The following NTM variants were observed in gnomAD, a reference collection of about 807,000 sequenced individuals.
NTM encodes IgLON family member 2.
In NTM, 13 loss-of-function variants were observed where a neutral mutation model predicts 42.1. The observed-to-expected ratio is 0.31, with a 90% CI of 0.20 to 0.49. The LOEUF is 0.49. Ranked by LOEUF, NTM falls within the 20% of genes least tolerant of loss-of-function variation. The probability of loss-of-function intolerance (pLI) is 0.99; values close to 1 mark genes in which losing one functional copy is unlikely to be tolerated. For missense variants in NTM, 373 were observed against 452.8 expected (o/e 0.82, Z 1.60); for synonymous variants, 187 against 179.2 (o/e 1.04, Z -0.35).
chr11:131,467,153 G>T (rs1215581008), intron 1 of NTM, among the ~76,000 whole-genome samples: 1 of 152,194 alleles, frequency 6.6e-6, no homozygotes, highest in Non-Finnish European at 1.5e-5. Flanking sequence ...AAGGGAGAGA[G>T]TAGACGAGAA....
At chr11:131,532,218 A>C (rs1451875880) in intron 1 of NTM, among the ~76,000 whole-genome samples, 1 of 152,164 alleles carries the variant, frequency 6.6e-6, no homozygotes, top group Non-Finnish European at 1.5e-5. Flanking sequence ...ATCCCCATTA[A>C]ACAAGAACTC....
chr11:131,508,332 G>A (rs2047765185), intron 1 of NTM, among the ~76,000 whole-genome samples: 1 of 147,754 alleles, frequency 6.8e-6, no homozygotes. Context: ...AAACCACAAT[G>A]AGATACCATC....
At chr11:131,946,697 G>T (rs1371395456) in intron 2 of NTM, among the ~76,000 whole-genome samples, 1 of 152,114 alleles carries the variant, frequency 6.6e-6, no homozygotes, top group Non-Finnish European at 1.5e-5. Flanking sequence ...TCCATATATT[G>T]ATCTGTGATT....
chr11:132,108,040 C>T (rs1302892984), intron 2 of NTM, among the ~76,000 whole-genome samples: 1 of 152,140 alleles, frequency 6.6e-6, no homozygotes, highest in Non-Finnish European at 1.5e-5. Flanking sequence ...GTTAATGATG[C>T]CTACTCCTTC....
At chr11:132,065,400 G>A (rs1419139751) in intron 2 of NTM, among the ~76,000 whole-genome samples, 3 of 152,094 alleles carry the variant, frequency 2.0e-5, no homozygotes, top group African/African-American at 7.2e-5. Flanking sequence ...GCTTCTTATA[G>A]CAGAGTTAAC....
At chr11:132,038,005 G>A (rs1354614512) in intron 2 of NTM, among the ~76,000 whole-genome samples, 1 of 152,214 alleles carries the variant, frequency 6.6e-6, no homozygotes, top group African/African-American at 2.4e-5. Flanking sequence ...AGGCAGATCT[G>A]CAAACAAAAT....
chr11:132,050,635 C>T (rs1241286332), intron 2 of NTM, among the ~76,000 whole-genome samples: 1 of 152,100 alleles, frequency 6.6e-6, no homozygotes, highest in Admixed American at 6.5e-5. Context: ...TTTATGGCGG[C>T]AAAGCCTAGA....
chr11:131,756,209 T>C (rs2083310040), intron 1 of NTM, among the ~76,000 whole-genome samples: 1 of 152,128 alleles, frequency 6.6e-6, no homozygotes. Flanking sequence ...CTAATGCTTC[T>C]TAAGGAAAAG....
intron 2 of NTM, among the ~76,000 whole-genome samples, chr11:132,084,247 C>T (rs947024482): frequency 5.9e-5 from 9 of 151,996 alleles, no homozygotes; most frequent in East Asian, 1.9e-4. Context: ...TGTACAGGGT[C>T]GCTACAATCA....
intron 1 of NTM, among the ~76,000 whole-genome samples, chr11:131,730,521 C>A (rs930980394): frequency 1.3e-5 from 2 of 151,870 alleles, no homozygotes; most frequent in Non-Finnish European, 2.9e-5. Flanking sequence ...TTGGGACCAG[C>A]CTGAGTAATA....
chr11:131,841,297 G>A (rs1475230215), intron 1 of NTM, among the ~76,000 whole-genome samples: 1 of 152,168 alleles, frequency 6.6e-6, no homozygotes, highest in African/African-American at 2.4e-5. Context: ...GCAAGATGAT[G>A]GTGTTTTTCA....
chr11:131,660,447 G>A, intron 1 of NTM: 1 of 456,956 alleles, frequency 2.2e-6, no homozygotes, highest in Non-Finnish European at 4.4e-6. Context: ...GAGCCCAGAA[G>A]CCACCAGGTG....
intron 1 of NTM, among the ~76,000 whole-genome samples, chr11:131,422,113 A>G (rs74646594): frequency 0.018 from 2,767 of 152,324 alleles, 34 homozygotes; most frequent in Non-Finnish European, 0.028. Flanking sequence ...ACTTTGCCTG[A>G]TGGAGGAAGG....
intron 2 of NTM, among the ~76,000 whole-genome samples, chr11:132,100,635 G>C (rs2061517484): frequency 1.3e-5 from 2 of 152,212 alleles, no homozygotes; most frequent in Non-Finnish European, 1.5e-5. Context: ...ATTCACAGAA[G>C]CACAACTTTC....
chr11:132,226,497 A>T (rs1292203511), intron 4 of NTM, among the ~76,000 whole-genome samples: 1 of 152,166 alleles, frequency 6.6e-6, no homozygotes, highest in Admixed American at 6.5e-5. Flanking sequence ...TATTGGCTGT[A>T]TAAATGTCTT....
chr11:131,806,978 G>A (rs1291849044), intron 1 of NTM, among the ~76,000 whole-genome samples: 1 of 152,152 alleles, frequency 6.6e-6, no homozygotes, highest in Non-Finnish European at 1.5e-5. Flanking sequence ...CACAGTGAAT[G>A]GAGTCATGAT....
chr11:131,544,935 A>T (rs1000638296), intron 1 of NTM, among the ~76,000 whole-genome samples: 4 of 152,034 alleles, frequency 2.6e-5, no homozygotes, highest in African/African-American at 9.7e-5. Flanking sequence ...TAGCTTGATC[A>T]TTTTCGGAAG....
At chr11:131,442,011 C>T (rs750904416) in intron 1 of NTM, among the ~76,000 whole-genome samples, 6 of 152,180 alleles carry the variant, frequency 3.9e-5, no homozygotes, top group Non-Finnish European at 5.9e-5. Flanking sequence ...ATGCACCACT[C>T]CTCAGATCAC....
At chr11:132,104,404 T>A (rs952890710) in intron 2 of NTM, among the ~76,000 whole-genome samples, 4 of 151,950 alleles carry the variant, frequency 2.6e-5, no homozygotes, top group African/African-American at 9.7e-5. Flanking sequence ...ATTTTTTTCG[T>A]AAAGTTTATA....
Sources: gnomAD v4.1 joint callset for allele counts (sites outside exome capture counted in the v4.1 genomes callset) on GRCh38, gnomAD v4.1.1 for gene constraint, MANE v1.5 for transcripts, NCBI Gene and HGNC (gene_info 2026-07-23, HGNC 2026-07-21) for gene names.